The following SHOC2 variants were observed in gnomAD, a reference collection of about 807,000 sequenced individuals.
SHOC2 encodes the protein SHOC2 leucine rich repeat scaffold protein.
A neutral mutation model predicts 50.2 loss-of-function variants in SHOC2; 4 were observed. The observed-to-expected ratio is 0.08, with a 90% confidence interval of 0.04 to 0.18. The LOEUF (loss-of-function observed/expected upper bound fraction) is 0.18. SHOC2 is among the 10% of genes least tolerant of loss of function. The pLI, the probability that SHOC2 is intolerant of heterozygous loss-of-function variation, is 1.00. For synonymous variants in SHOC2, 218 were observed against 244.5 expected (o/e 0.89, Z 1.01); for missense variants, 388 against 669.6 (o/e 0.58, Z 4.64).
intron 1 of SHOC2, chr10:110,951,719 G>C (rs909613875): frequency 6.6e-6 from 1 of 152,164 alleles, no homozygotes; most frequent in Non-Finnish European, 1.5e-5. Context: ...TGATATTGGT[G>C]ACATGATCTG....
intron 1 of SHOC2, among the ~76,000 whole-genome samples, chr10:110,926,664 A>C (rs912906048): frequency 6.6e-6 from 1 of 152,234 alleles, no homozygotes; most frequent in African/African-American, 2.4e-5. Flanking sequence ...TTTGTTTTAT[A>C]CATAGAATAG....
intron 2 of SHOC2, among the ~76,000 whole-genome samples, chr10:110,969,926 A>G (rs1021498218): frequency 1.3e-5 from 2 of 152,186 alleles, no homozygotes; most frequent in African/African-American, 2.4e-5. Flanking sequence ...AATTGTACCT[A>G]TTTGTGGTTT....
At chr10:110,951,243 C>A (rs1847345515) in intron 1 of SHOC2, among the ~76,000 whole-genome samples, 1 of 152,096 alleles carries the variant, frequency 6.6e-6, no homozygotes. Flanking sequence ...CTTCAAAAGA[C>A]AACATACAGT....
chr10:111,002,004 C>T (rs1242249738), intron 4 of SHOC2, among the ~76,000 whole-genome samples: 3 of 151,788 alleles, frequency 2.0e-5, no homozygotes, highest in African/African-American at 7.3e-5. Flanking sequence ...CGAGGTGACG[C>T]CACTGCAGTC....
chr10:111,003,454 G>A, intron 4 of SHOC2, among the ~76,000 whole-genome samples: 1 of 152,156 alleles, frequency 6.6e-6, no homozygotes, highest in African/African-American at 2.4e-5. Context: ...TTTAAATAGA[G>A]AAAGGACTTA....
At chr10:110,991,033 T>A (rs1848177118) in intron 3 of SHOC2, among the ~76,000 whole-genome samples, 1 of 152,210 alleles carries the variant, frequency 6.6e-6, no homozygotes, top group South Asian at 2.1e-4. Flanking sequence ...TAACTTTGCC[T>A]GCTCCTTCAA....
chr10:110,982,439 C>T (rs1240605638), intron 2 of SHOC2, among the ~76,000 whole-genome samples: 3 of 151,998 alleles, frequency 2.0e-5, no homozygotes, highest in Non-Finnish European at 4.4e-5. Context: ...ACACTGACTT[C>T]CACAATGGTT....
intron 1 of SHOC2, among the ~76,000 whole-genome samples, chr10:110,930,337 G>A (rs1328550329): frequency 6.6e-6 from 1 of 152,034 alleles, no homozygotes; most frequent in Non-Finnish European, 1.5e-5. Context: ...TATTGAGAGC[G>A]CATTTATTTT....
intron 2 of SHOC2, among the ~76,000 whole-genome samples, chr10:110,968,307 G>A (rs1847716521): frequency 6.6e-6 from 1 of 151,964 alleles, no homozygotes; most frequent in Non-Finnish European, 1.5e-5. Context: ...GCTTTAATGG[G>A]TTTTTAATTT....
At chr10:110,990,677 C>T (rs1172927365) in intron 3 of SHOC2, among the ~76,000 whole-genome samples, 1 of 152,056 alleles carries the variant, frequency 6.6e-6, no homozygotes, top group Non-Finnish European at 1.5e-5. Context: ...GCATTGGCAA[C>T]CCACTCGGGT....
intron 1 of SHOC2, among the ~76,000 whole-genome samples, chr10:110,950,335 C>G (rs1036638646): frequency 6.6e-6 from 1 of 151,992 alleles, no homozygotes; most frequent in African/African-American, 2.4e-5. Flanking sequence ...GGTGAATGAT[C>G]TACACAGAAA....
Position 110,978,884 on chromosome 10 carries a change from A to G in SHOC2, c.704-6744A>G, listed in dbSNP as rs547838052. The stretch of plus-strand genomic sequence containing the variant: ...TTTACTTTTCACCTGCAGATTTTTT[A>G]GTTACTTCATGGTAAAAGCTTTATA... On this transcript the variant is annotated intron_variant, in intron 2 of 8. Coordinates refer to ENST00000369452, the MANE Select transcript of SHOC2 (RefSeq NM_007373.4). 1.1e-4 allele frequency among the ~76,000 whole-genome samples: 16 copies of G among 152,306 alleles called. No individual in the cohort carries two copies. In the South Asian group the frequency reaches 3.3e-3, roughly 32 times the overall value.
chr10:110,993,873 AC>A (rs1564725501), intron 3 of SHOC2, among the ~76,000 whole-genome samples: 2 of 152,328 alleles, frequency 1.3e-5, no homozygotes, highest in South Asian at 4.1e-4. Context: ...AGAATAAAAA[AC>A]ATTTAAAATA....
At chr10:110,999,394 A>G (rs1848324990) in intron 3 of SHOC2, among the ~76,000 whole-genome samples, 1 of 152,186 alleles carries the variant, frequency 6.6e-6, no homozygotes, top group African/African-American at 2.4e-5. Context: ...CATTATATTC[A>G]TCATTCATTA....
rs1474634366 is a variant in SHOC2 at position 110,989,252 on chromosome 10, G to C, written c.841+3487G>C. Among the ~76,000 whole-genome samples the C allele has an allele frequency of 3.9e-5, 6 of 152,182 alleles. No individual in the cohort carries two copies. In the East Asian group the frequency reaches 1.2e-3, roughly 29 times the overall value. Reference sequence around the variant, plus strand: ...TTTATTCTACTTTCTGCCGTTTCTGGAGGAGTCTCTTTTTCTTCTTATTTT... The same window carrying C: ...TTTATTCTACTTTCTGCCGTTTCTGCAGGAGTCTCTTTTTCTTCTTATTTT... On this transcript the variant is annotated intron_variant, in intron 3 of 8. Transcript: ENST00000369452.
At chr10:110,972,286 TG>T (rs1162799389) in intron 2 of SHOC2, among the ~76,000 whole-genome samples, 41 of 152,232 alleles carry the variant, frequency 2.7e-4, no homozygotes, top group African/African-American at 7.9e-4. Flanking sequence ...CTAAAATTCT[TG>T]AAATTCTCTC....
intron 3 of SHOC2, among the ~76,000 whole-genome samples, chr10:110,990,082 A>G (rs1848153103): frequency 6.6e-6 from 1 of 152,286 alleles, no homozygotes; most frequent in South Asian, 2.1e-4. Flanking sequence ...CTTTCAAAAA[A>G]TGACTTTATA....
chr10:110,929,188 A>T (rs760960739), intron 1 of SHOC2, among the ~76,000 whole-genome samples: 2 of 152,106 alleles, frequency 1.3e-5, no homozygotes, highest in South Asian at 2.1e-4. Context: ...TAGTAGATTG[A>T]TGTGGTAAAA....
intron 2 of SHOC2, among the ~76,000 whole-genome samples, chr10:110,981,944 C>T (rs1396924391): frequency 4.3e-5 from 6 of 139,834 alleles, no homozygotes; most frequent in Admixed American, 7.2e-5. Context: ...CATGCTGGTG[C>T]GCTGCACCCA....
Sources: gnomAD v4.1 joint callset for allele counts (sites outside exome capture counted in the v4.1 genomes callset) on GRCh38, gnomAD v4.1.1 for gene constraint, MANE v1.5 for transcripts, NCBI Gene and HGNC (gene_info 2026-07-23, HGNC 2026-07-21) for gene names.